The following FAM135B variants were observed in gnomAD, a reference collection of about 807,000 sequenced individuals.
FAM135B encodes the protein protein FAM135B.
Under a neutral mutation model 127.7 loss-of-function variants are expected in FAM135B, and 43 were observed. The observed-to-expected ratio is 0.34, with a 90% CI of 0.26 to 0.43. The LOEUF (loss-of-function observed/expected upper bound fraction) is 0.43. FAM135B is among the 20% of genes least tolerant of loss of function. The pLI is 1.00. For missense variants in FAM135B, 1,558 were observed against 1,725.6 expected (o/e 0.90, Z 1.72); for synonymous variants, 670 against 665.1 (o/e 1.01, Z -0.11).
intron 1 of FAM135B, among the ~76,000 whole-genome samples, chr8:138,490,705 C>T (rs894265699): frequency 6.6e-6 from 1 of 152,212 alleles, no homozygotes. Context: ...TCTTCACTCT[C>T]CTTGCCCATC....
At chr8:138,357,091 C>A (rs1331326238) in intron 2 of FAM135B, among the ~76,000 whole-genome samples, 2 of 151,806 alleles carry the variant, frequency 1.3e-5, no homozygotes, top group Non-Finnish European at 2.9e-5. Flanking sequence ...AGACAAGCAG[C>A]AAGATGTATT....
chr8:138,357,856 G>T (rs1334094433), intron 2 of FAM135B, among the ~76,000 whole-genome samples: 2 of 151,988 alleles, frequency 1.3e-5, no homozygotes, highest in African/African-American at 4.8e-5. Context: ...GTAGATCTCA[G>T]ATGTAAAGTA....
At chr8:138,293,258 A>C (rs1325993376) in intron 3 of FAM135B, among the ~76,000 whole-genome samples, 3 of 152,160 alleles carry the variant, frequency 2.0e-5, no homozygotes, top group African/African-American at 7.2e-5. Flanking sequence ...ACTCAAGATG[A>C]GTCAAAGACT....
chr8:138,398,699 C>T (rs1016000139), intron 1 of FAM135B, among the ~76,000 whole-genome samples: 12 of 152,100 alleles, frequency 7.9e-5, no homozygotes, highest in African/African-American at 2.9e-4. Context: ...AGGGGGGCAT[C>T]GACTAATTTT....
chr8:138,331,253 T>C (rs1489431833), intron 2 of FAM135B, among the ~76,000 whole-genome samples: 1 of 152,208 alleles, frequency 6.6e-6, no homozygotes, highest in Non-Finnish European at 1.5e-5. Context: ...AAAAGAAATA[T>C]ATTTGGGTGT....
chr8:138,389,956 T>C (rs930407164), intron 1 of FAM135B, among the ~76,000 whole-genome samples: 2 of 152,210 alleles, frequency 1.3e-5, no homozygotes, highest in Non-Finnish European at 2.9e-5. Flanking sequence ...GGATGCCTTA[T>C]TGTACTTATC....
At chr8:138,361,330 T>C (rs934084813) in intron 2 of FAM135B, among the ~76,000 whole-genome samples, 18 of 152,126 alleles carry the variant, frequency 1.2e-4, no homozygotes, top group African/African-American at 4.8e-5. Context: ...GAATTTGGAA[T>C]CATCTTCTAT....
intron 7 of FAM135B, among the ~76,000 whole-genome samples, chr8:138,234,025 A>C (rs927307591): frequency 6.6e-6 from 1 of 152,198 alleles, no homozygotes; most frequent in Non-Finnish European, 1.5e-5. Flanking sequence ...ATCTCTCATC[A>C]TGCCTAGAAA....
intron 1 of FAM135B, among the ~76,000 whole-genome samples, chr8:138,382,776 A>T (rs1469738578): frequency 1.3e-5 from 2 of 152,168 alleles, no homozygotes; most frequent in Non-Finnish European, 2.9e-5. Context: ...TTTAGAAAAA[A>T]ACAATAACGC....
At chr8:138,178,107 G>T (rs919772182) in intron 10 of FAM135B, among the ~76,000 whole-genome samples, 4 of 152,092 alleles carry the variant, frequency 2.6e-5, no homozygotes, top group Admixed American at 2.0e-4. Context: ...AATTAGTCGG[G>T]TGTGGTGGTG....
chr8:138,222,318 C>T (rs1819086907), intron 7 of FAM135B, among the ~76,000 whole-genome samples: 2 of 152,118 alleles, frequency 1.3e-5, no homozygotes, highest in African/African-American at 4.8e-5. Context: ...CCCACTGCTT[C>T]TTAACTCTTA....
chr8:138,220,645 GGGGGATGGTAATGATGCTAGTGGT>G lies in FAM135B; in HGVS notation c.669+22273_669+22296del, dbSNP rs563410329. 6.3e-4 allele frequency among the ~76,000 whole-genome samples: 96 copies of G among 152,294 alleles called. No individual in the cohort carries two copies. In the East Asian group the frequency reaches 0.012, roughly 18 times the overall value. On this transcript the variant is annotated intron_variant, in intron 7 of 19. Coordinates refer to ENST00000395297, the MANE Select transcript of FAM135B (RefSeq NM_015912.4). ...TAAGTATTGATGAAGAAGAGGGTGA[GGGGGATGGTAATGATGCTAGTGGT>G]GGTGATAACAAAATTGAAAACGGCT... is the stretch of plus-strand genomic sequence containing the variant.
intron 7 of FAM135B, among the ~76,000 whole-genome samples, chr8:138,230,593 G>T (rs1268766499): frequency 6.6e-6 from 1 of 152,140 alleles, no homozygotes; most frequent in Non-Finnish European, 1.5e-5. Context: ...TCTGCTGCTG[G>T]TTGGAATTCC....
At chr8:138,207,072 C>T (rs1295477575) in intron 7 of FAM135B, among the ~76,000 whole-genome samples, 1 of 152,190 alleles carries the variant, frequency 6.6e-6, no homozygotes, top group Non-Finnish European at 1.5e-5. Flanking sequence ...GCGAAATAAA[C>T]TCAGTTTTGT....
chr8:138,336,654 T>G (rs1828615675), intron 2 of FAM135B, among the ~76,000 whole-genome samples: 1 of 152,174 alleles, frequency 6.6e-6, no homozygotes, highest in Admixed American at 6.5e-5. Context: ...CCAGATGGAT[T>G]CACAGCCAAA....
rs890838129 is a variant in FAM135B at position 138,487,634 on chromosome 8, T to TGG, written c.-20+9035_-20+9036dup. On this transcript the variant is annotated intron_variant, in intron 1 of 19. Transcript: ENST00000395297. ...CTCTCATCCAAGCCCTAGGTGTGTG[T>TGG]GGGGGTGGGGGCGGGGCAGGGGCTG... is the stretch of plus-strand genomic sequence containing the variant. 1.9e-3 allele frequency among the ~76,000 whole-genome samples: 237 copies of TGG among 125,512 alleles called. 1 individual carries two copies. The highest frequency in any genetic ancestry group is 6.8e-3 in the African/African-American group (224 of 32,876). The allele number at this position is 125,512 out of a possible 152,430, so 82.3% of individuals were successfully genotyped here.
intron 1 of FAM135B, among the ~76,000 whole-genome samples, chr8:138,368,352 C>T (rs771623037): frequency 9.9e-5 from 15 of 152,134 alleles, no homozygotes; most frequent in Non-Finnish European, 1.9e-4. Context: ...CTTGCTCTAC[C>T]GCTTTCCAGC....
chr8:138,371,943 T>G (rs907332310), intron 1 of FAM135B, among the ~76,000 whole-genome samples: 1 of 152,184 alleles, frequency 6.6e-6, no homozygotes, highest in Non-Finnish European at 1.5e-5. Flanking sequence ...AAGCACATGA[T>G]GCTTACGAGC....
intron 1 of FAM135B, among the ~76,000 whole-genome samples, chr8:138,492,682 C>T (rs1361375185): frequency 6.6e-6 from 1 of 152,130 alleles, no homozygotes; most frequent in Non-Finnish European, 1.5e-5. Flanking sequence ...TACTTCTTGT[C>T]TCCAAGTCTC....
Sources: allele counts gnomAD v4.1 joint callset (sites outside exome capture counted in the v4.1 genomes callset), GRCh38; gene constraint gnomAD v4.1.1; transcripts MANE v1.5; gene names NCBI Gene and HGNC (gene_info 2026-07-23, HGNC 2026-07-21).